The following TRAPPC11 variants were observed in gnomAD, a reference collection of about 807,000 sequenced individuals.
TRAPPC11 encodes foie gras homolog.
TRAPPC11 carries 104 observed loss-of-function variants against 151.2 expected under a neutral mutation model. The observed-to-expected ratio is 0.69, with a 90% CI of 0.59 to 0.81. The LOEUF is 0.81. Ranked by LOEUF, TRAPPC11 falls within the 30% of genes least tolerant of loss-of-function variation. TRAPPC11 has a pLI of 0.00. For missense variants in TRAPPC11, 1,230 were observed against 1,349.6 expected (o/e 0.91, Z 1.39); for synonymous variants, 456 against 472.3 (o/e 0.97, Z 0.45).
At chr4:183,665,567 C>A (rs561863918) in intron 2 of TRAPPC11, among the ~76,000 whole-genome samples, 2 of 152,358 alleles carry the variant, frequency 1.3e-5, no homozygotes, top group African/African-American at 4.8e-5. Context: ...CCTCATCTTT[C>A]CTTGCTGGAG....
intron 1 of TRAPPC11, among the ~76,000 whole-genome samples, chr4:183,663,071 A>T (rs1229066477): frequency 1.3e-5 from 2 of 151,680 alleles, no homozygotes; most frequent in Non-Finnish European, 2.9e-5. Flanking sequence ...TATTTTATTT[A>T]TTTTATTTTT....
intron 27 of TRAPPC11, 82 bp downstream of exon 27, chr4:183,705,152 C>A: frequency 9.7e-7 from 1 of 1,034,522 alleles, no homozygotes; most frequent in Non-Finnish European, 1.4e-6. Flanking sequence ...GTTATTTTAA[C>A]ATTCTATTTA....
intron 23 of TRAPPC11, among the ~76,000 whole-genome samples, chr4:183,695,587 C>A (rs1344476894): frequency 1.3e-5 from 2 of 152,030 alleles, no homozygotes; most frequent in Non-Finnish European, 2.9e-5. Flanking sequence ...TTTATGTTCT[C>A]TTTTGTTAGT....
intron 25 of TRAPPC11, among the ~76,000 whole-genome samples, chr4:183,698,736 C>T (rs1020100226): frequency 6.6e-6 from 1 of 152,130 alleles, no homozygotes; most frequent in Non-Finnish European, 1.5e-5. Context: ...GACGTTGGTT[C>T]TCTTGTTCTT....
At chr4:183,678,212 C>T (rs377029508) in intron 8 of TRAPPC11, among the ~76,000 whole-genome samples, 71 of 152,250 alleles carry the variant, frequency 4.7e-4, no homozygotes, top group South Asian at 1.9e-3. Context: ...GCTGGAATTA[C>T]GGGTGTGAGC....
chr4:183,704,392 G>A (rs1366414504), intron 26 of TRAPPC11, among the ~76,000 whole-genome samples: 5 of 151,856 alleles, frequency 3.3e-5, no homozygotes, highest in Admixed American at 6.5e-5. Flanking sequence ...GTGGCTTCAC[G>A]CGCCTGTAAT....
At position 183,693,950 on chromosome 4, in the gene TRAPPC11, T is replaced by G. The variant is rs773685526; in HGVS notation, c.2420T>G (p.Val807Gly). The change falls in exon 22 of 30, where the codon GTG (valine) becomes GGG (glycine). Residue 807 changes from valine to glycine, a missense_variant. Coordinates refer to ENST00000334690, the MANE Select transcript of TRAPPC11 (RefSeq NM_021942.6). ...QDANLTQKTH[V>G]TLHGTELCDE... Reference sequence around the variant, plus strand: ...GCCAATTTAACTCAGAAGACTCACGTGACTCTTCATGGAACAGAACTGTGT... The same window carrying G: ...GCCAATTTAACTCAGAAGACTCACGGGACTCTTCATGGAACAGAACTGTGT... 2 of 1,613,824 alleles carry G rather than the reference T, an allele frequency of 1.2e-6. No individual in the cohort carries two copies. Among genetic ancestry groups the G allele is most frequent in the African/African-American group, 2.7e-5 (2 of 74,938 alleles).
At chr4:183,704,584 T>C (rs1042906728) in intron 26 of TRAPPC11, among the ~76,000 whole-genome samples, 108 of 148,424 alleles carry the variant, frequency 7.3e-4, no homozygotes, top group African/African-American at 2.4e-3. Flanking sequence ...GAGGCCGAGG[T>C]GGGCGGATCA....
At chr4:183,694,906 G>T (rs1736454646) in intron 23 of TRAPPC11, among the ~76,000 whole-genome samples, 183 bp downstream of exon 23, 1 of 149,936 alleles carries the variant, frequency 6.7e-6, no homozygotes, top group Non-Finnish European at 1.5e-5. Context: ...GGCATTCACT[G>T]CTCAAACATT....
At chr4:183,695,415 C>T (rs1451358178) in intron 23 of TRAPPC11, among the ~76,000 whole-genome samples, 2 of 152,168 alleles carry the variant, frequency 1.3e-5, no homozygotes, top group East Asian at 3.9e-4. Flanking sequence ...AAATTGTTTT[C>T]GGTAAGTGCA....
intron 5 of TRAPPC11, among the ~76,000 whole-genome samples, chr4:183,672,142 G>T (rs369693602): frequency 5.3e-5 from 8 of 152,196 alleles, no homozygotes; most frequent in African/African-American, 1.4e-4. Context: ...AATATAGTTT[G>T]TAAGTCTTAC....
Position 183,693,899 on chromosome 4 carries a change from C to G in TRAPPC11, c.2387-18C>G, listed in dbSNP as rs780616087. ...GTTTGAATTCTTTGTTTTGAAGAAC[C>G]AATATTAACTCTTTTAGGACAGGAT... On this transcript the variant is annotated intron_variant, in intron 21 of 29. Coordinates refer to ENST00000334690, the MANE Select transcript of TRAPPC11 (RefSeq NM_021942.6). The G allele has an allele frequency of 4.3e-6, 7 of 1,609,516 alleles. No homozygotes were observed. The highest frequency in any genetic ancestry group is 4.2e-6 in the Non-Finnish European group (5 of 1,176,532).
At chr4:183,702,288 G>A (rs1180278420) in intron 26 of TRAPPC11, among the ~76,000 whole-genome samples, 3 of 151,322 alleles carry the variant, frequency 2.0e-5, no homozygotes, top group African/African-American at 4.9e-5. Flanking sequence ...AGGTTTCAGT[G>A]AGCTGAGATT....
intron 5 of TRAPPC11, among the ~76,000 whole-genome samples, chr4:183,673,676 AAATGAAATGAAATGAAATGAAAT>A (rs1735267720): frequency 6.6e-6 from 1 of 152,158 alleles, no homozygotes; most frequent in Non-Finnish European, 1.5e-5. Context: ...CCTGTCTCAA[AAATGAAATGAAATGAAATGAAAT>A]AATGAAATGA....
chr4:183,690,134 C>T (rs181444751), intron 18 of TRAPPC11, among the ~76,000 whole-genome samples: 22 of 151,542 alleles, frequency 1.5e-4, no homozygotes, highest in African/African-American at 5.1e-4. Context: ...ACCTGAGAGG[C>T]GGAGGTTGTA....
intron 5 of TRAPPC11, among the ~76,000 whole-genome samples, chr4:183,672,960 ATTTTTTT>A (rs35637688): frequency 7.6e-6 from 1 of 131,022 alleles, no homozygotes; most frequent in East Asian, 2.2e-4. Flanking sequence ...CCGTTCGCAA[ATTTTTTT>A]TTTTTTTTTT....
At chr4:183,680,850 G>T (rs1310537714) in intron 10 of TRAPPC11, among the ~76,000 whole-genome samples, 1 of 151,620 alleles carries the variant, frequency 6.6e-6, no homozygotes, top group African/African-American at 2.4e-5. Flanking sequence ...CCGCCACCAC[G>T]CCTGGCTAAT....
At chr4:183,708,077 A>C (rs759184221) in intron 28 of TRAPPC11, among the ~76,000 whole-genome samples, 4 of 152,244 alleles carry the variant, frequency 2.6e-5, no homozygotes, top group Non-Finnish European at 4.4e-5. Context: ...TATTGTGAAC[A>C]TAAAAGCTAC....
At chr4:183,681,469 A>C (rs1735685120) in intron 10 of TRAPPC11, among the ~76,000 whole-genome samples, 1 of 152,216 alleles carries the variant, frequency 6.6e-6, no homozygotes, top group African/African-American at 2.4e-5. Flanking sequence ...GGGCATTAAT[A>C]AATATCATTG....
Sources: allele counts gnomAD v4.1 joint callset (sites outside exome capture counted in the v4.1 genomes callset), GRCh38; gene constraint gnomAD v4.1.1; transcripts MANE v1.5; gene names NCBI Gene and HGNC (gene_info 2026-07-23, HGNC 2026-07-21).